The following FGD4 variants were observed in gnomAD, a reference collection of about 807,000 sequenced individuals.
The protein encoded by FGD4 is FYVE, RhoGEF and PH domain containing 4.
FGD4 carries 42 observed loss-of-function variants against 102.0 expected under a neutral mutation model. That is an observed-to-expected ratio of 0.41 (90% confidence interval 0.32 to 0.53). FGD4 has a LOEUF of 0.53. Ranked by LOEUF, FGD4 falls within the 20% of genes least tolerant of loss-of-function variation. FGD4 has a pLI of 0.21. For synonymous variants in FGD4, 380 were observed against 375.7 expected (o/e 1.01, Z -0.13); for missense variants, 902 against 1,078.2 (o/e 0.84, Z 2.29).
intron 1 of FGD4, among the ~76,000 whole-genome samples, chr12:32,560,860 T>A (rs1015808749): frequency 3.3e-5 from 5 of 151,884 alleles, no homozygotes; most frequent in Non-Finnish European, 5.9e-5. Context: ...GCCCAGCTAA[T>A]TTTTATTTTT....
At chr12:32,526,537 G>T (rs561042982) in intron 1 of FGD4, among the ~76,000 whole-genome samples, 2 of 152,270 alleles carry the variant, frequency 1.3e-5, no homozygotes, top group East Asian at 1.9e-4. Context: ...GCGCCCTGAC[G>T]AAACAGGCCA....
At chr12:32,557,724 T>C (rs1415536519) in intron 1 of FGD4, among the ~76,000 whole-genome samples, 2 of 152,192 alleles carry the variant, frequency 1.3e-5, no homozygotes, top group African/African-American at 4.8e-5. Flanking sequence ...TCAAATAAAT[T>C]TCCTGGCTAT....
At chr12:32,471,210 G>A (rs935622769) in intron 1 of FGD4, among the ~76,000 whole-genome samples, 2 of 152,092 alleles carry the variant, frequency 1.3e-5, no homozygotes, top group African/African-American at 4.8e-5. Context: ...TTGGTTCTGA[G>A]GCTTTTGGGC....
intron 10 of FGD4, among the ~76,000 whole-genome samples, chr12:32,617,775 TA>T (rs1246323885): frequency 6.6e-6 from 1 of 152,246 alleles, no homozygotes; most frequent in Non-Finnish European, 1.5e-5. Context: ...TGGCTTTTGC[TA>T]CAGGAACAAG....
intron 1 of FGD4, among the ~76,000 whole-genome samples, chr12:32,518,503 C>G (rs554400240): frequency 6.6e-6 from 1 of 152,046 alleles, no homozygotes; most frequent in African/African-American, 2.4e-5. Context: ...AAAAACCAGC[C>G]CTGGCATTCC....
At chr12:32,562,117 G>A (rs2136262727) in intron 1 of FGD4, among the ~76,000 whole-genome samples, 1 of 152,174 alleles carries the variant, frequency 6.6e-6, no homozygotes, top group East Asian at 1.9e-4. Context: ...GAGTTGCTCT[G>A]TGACTAGCCA....
chr12:32,618,554 C>A (rs545476208), intron 10 of FGD4, among the ~76,000 whole-genome samples: 1 of 152,152 alleles, frequency 6.6e-6, no homozygotes, highest in Non-Finnish European at 1.5e-5. Context: ...AATTGCTGAC[C>A]AGATGCTATG....
At chr12:32,528,047 C>T (rs1238521793) in intron 1 of FGD4, among the ~76,000 whole-genome samples, 2 of 151,988 alleles carry the variant, frequency 1.3e-5, no homozygotes, top group African/African-American at 2.4e-5. Context: ...TCACTGCAGC[C>T]TCTGCCTCAG....
chr12:32,491,139 A>C (rs1240801307), intron 1 of FGD4, among the ~76,000 whole-genome samples: 2 of 150,670 alleles, frequency 1.3e-5, no homozygotes, highest in East Asian at 1.9e-4. Context: ...AGTTAAAAAA[A>C]AAAAAAAAAA....
intron 1 of FGD4, among the ~76,000 whole-genome samples, chr12:32,468,646 G>T (rs1943333980): frequency 6.6e-6 from 1 of 152,156 alleles, no homozygotes; most frequent in Non-Finnish European, 1.5e-5. Flanking sequence ...GGAGGCTGAG[G>T]CAGGCAGATG....
chr12:32,607,116 ATG>A (rs1287438346), intron 7 of FGD4, among the ~76,000 whole-genome samples: 1 of 152,248 alleles, frequency 6.6e-6, no homozygotes, highest in Non-Finnish European at 1.5e-5. Flanking sequence ...TGATTTAATA[ATG>A]TGACTTCACA....
intron 1 of FGD4, among the ~76,000 whole-genome samples, chr12:32,488,947 A>G (rs1018364978): frequency 3.9e-5 from 6 of 152,326 alleles, no homozygotes; most frequent in African/African-American, 1.4e-4. Flanking sequence ...TCAAAAAAGT[A>G]AAAGTGAGAT....
intron 1 of FGD4, among the ~76,000 whole-genome samples, chr12:32,406,527 C>G (rs2136385936): frequency 6.6e-6 from 1 of 151,608 alleles, no homozygotes; most frequent in East Asian, 2.0e-4. Context: ...GCACTCCAGC[C>G]TGGGTGACAG....
intron 1 of FGD4, among the ~76,000 whole-genome samples, chr12:32,500,518 C>T (rs962253589): frequency 5.9e-5 from 9 of 151,876 alleles, no homozygotes; most frequent in African/African-American, 1.9e-4. Flanking sequence ...ATTGCAACCT[C>T]CGCCTCCCAG....
At chr12:32,526,918 A>G (rs755677291) in intron 1 of FGD4, among the ~76,000 whole-genome samples, 2 of 152,170 alleles carry the variant, frequency 1.3e-5, no homozygotes, top group African/African-American at 2.4e-5. Flanking sequence ...TTTAACTCAG[A>G]TATAGTATTA....
At chr12:32,551,437 T>C (rs1189455017) in intron 1 of FGD4, among the ~76,000 whole-genome samples, 3 of 152,186 alleles carry the variant, frequency 2.0e-5, no homozygotes, top group Non-Finnish European at 4.4e-5. Context: ...GTGGATACTA[T>C]TATGAATCCT....
intron 2 of FGD4, among the ~76,000 whole-genome samples, chr12:32,572,383 A>G (rs1945747284): frequency 6.6e-6 from 1 of 152,112 alleles, no homozygotes; most frequent in African/African-American, 2.4e-5. Flanking sequence ...GTGTTTGCAT[A>G]CTACACTGTT....
At chr12:32,515,958 G>A (rs10506093) in intron 1 of FGD4, among the ~76,000 whole-genome samples, 37,348 of 152,100 alleles carry the variant, frequency 0.25, 5,340 homozygotes, top group Middle Eastern at 0.44. Flanking sequence ...CGTGACAATC[G>A]TATTGAAGAA....
chr12:32,582,251 G>T lies in FGD4; in HGVS notation c.795G>T (p.Val265=). Residue 265 remains valine, a synonymous_variant, in exon 4 of 17, where the codon GTG becomes GTT. Transcript: ENST00000534526. ...ASEPLLDTHI[V]NGERDETATA... ...AACCCTTGCTTGATACGCACATAGT[G>T]AATGGAGAAAGAGATGAAACTGCCA... is the stretch of plus-strand genomic sequence containing the variant. 1 of 1,614,234 alleles carries T rather than the reference G, an allele frequency of 6.2e-7. No individual in the cohort carries two copies. The highest frequency in any genetic ancestry group is 8.5e-7 in the Non-Finnish European group (1 of 1,180,050).
Sources: allele counts gnomAD v4.1 joint callset (sites outside exome capture counted in the v4.1 genomes callset), GRCh38; gene constraint gnomAD v4.1.1; transcripts MANE v1.5; gene names NCBI Gene and HGNC (gene_info 2026-07-23, HGNC 2026-07-21).